NFATC1: variants seen among roughly 807,000 people sequenced by gnomAD.
NFATC1 encodes nuclear factor of activated T-cells, cytoplasmic 1.
A neutral mutation model predicts 76.0 loss-of-function variants in NFATC1; 22 were observed. That is an observed-to-expected ratio of 0.29 (90% CI 0.21 to 0.41). The LOEUF (loss-of-function observed/expected upper bound fraction) is 0.41, where lower values mean the gene tolerates loss of function less well. Among genes scored for constraint, NFATC1 ranks in the 10% least tolerant of loss-of-function variants. The probability of loss-of-function intolerance (pLI) is 1.00; values close to 1 mark genes in which losing one functional copy is unlikely to be tolerated. For synonymous variants in NFATC1, 704 were observed against 613.1 expected, an observed-to-expected ratio of 1.15 and a Z score of -2.19; for missense variants, 1,357 against 1,337.7, an observed-to-expected ratio of 1.01 and a Z score of -0.23.
At chr18:79,483,428 C>T (rs1227925614) in intron 8 of NFATC1, among the ~76,000 whole-genome samples, 10 of 124,074 alleles carry the variant, frequency 8.1e-5, no homozygotes, top group Non-Finnish European at 1.5e-4. Context: ...GTCATTCCGG[C>T]GTGACCTGGT....
At chr18:79,453,158 G>A (rs564505568) in intron 6 of NFATC1, among the ~76,000 whole-genome samples, 1 of 152,260 alleles carries the variant, frequency 6.6e-6, no homozygotes. Context: ...AGCTTTCGGT[G>A]TGTGTCCACG....
rs1001419071 is a variant in NFATC1, at chr18:79,528,733, T to TA, written c.*1157dup. 6 of 152,278 alleles carry TA rather than the reference T, an allele frequency of 3.9e-5. No individual in the cohort carries two copies. Among genetic ancestry groups the TA allele is most frequent in the Non-Finnish European group, 7.3e-5 (5 of 68,030 alleles). The allele number at this position is 152,278 out of a possible 1,614,324, so 9.4% of individuals were successfully genotyped here. A position where few individuals can be genotyped will look rare whatever the true frequency, so the allele number is the denominator to read the frequency against. ...TCTCTGCTTCATCTAAGAAAACCAA[T>TA]ACCAAAAACGCCACTTTAATGCTCA... On this transcript the variant is annotated 3_prime_UTR_variant, in exon 10 of 10. Transcript: ENST00000427363.
chr18:79,483,505 G>T (rs2089383833), intron 8 of NFATC1, among the ~76,000 whole-genome samples: 1 of 133,304 alleles, frequency 7.5e-6, no homozygotes, highest in Non-Finnish European at 1.6e-5. Context: ...GGTTCCTGGG[G>T]TGTCACTCCG....
intron 9 of NFATC1, among the ~76,000 whole-genome samples, chr18:79,514,575 A>C (rs2090333943): frequency 1.3e-5 from 2 of 150,690 alleles, no homozygotes; most frequent in Non-Finnish European, 3.0e-5. Context: ...AAAAAAAAAA[A>C]AAAAAAAAAA....
chr18:79,492,182 A>G (rs1472180998), intron 9 of NFATC1, among the ~76,000 whole-genome samples: 1 of 152,194 alleles, frequency 6.6e-6, no homozygotes, highest in African/African-American at 2.4e-5. Flanking sequence ...TGAGGAGGGC[A>G]GTTCACGCTG....
Position 79,519,927 on chromosome 18 carries a change from A to G in NFATC1, c.2783-7601A>G, listed in dbSNP as rs528290457. Among the ~76,000 whole-genome samples, 40 of 152,288 alleles carry G rather than the reference A, an allele frequency of 2.6e-4. 1 individual carries two copies. The highest frequency in any genetic ancestry group is 9.6e-4 in the African/African-American group (40 of 41,554). ...TCGCTCCTTTGCTGGAGTCGGAAGTAGGACAGTTGGTGATAAAGTCCTGGA... is the reference window on the plus strand; with the variant it reads ...TCGCTCCTTTGCTGGAGTCGGAAGTGGGACAGTTGGTGATAAAGTCCTGGA... On this transcript the variant is annotated intron_variant, in intron 9 of 9. Coordinates refer to ENST00000427363, the MANE Select transcript of NFATC1 (RefSeq NM_001278669.2).
intron 2 of NFATC1, among the ~76,000 whole-genome samples, chr18:79,427,407 TGGCTGGCCTCTG>T (rs2086388131): frequency 1.4e-5 from 1 of 71,704 alleles, no homozygotes; most frequent in African/African-American, 6.3e-5. Context: ...GGGAGCTGGA[TGGCTGGCCTCTG>T]TGCGGTGGGT....
At chr18:79,412,197 T>G (rs1478150883) in intron 2 of NFATC1, among the ~76,000 whole-genome samples, 4 of 152,250 alleles carry the variant, frequency 2.6e-5, no homozygotes, top group Non-Finnish European at 5.9e-5. Context: ...CTGGGTCCAC[T>G]TAACCAGCTT....
intron 3 of NFATC1, among the ~76,000 whole-genome samples, chr18:79,437,054 G>A (rs578224839): frequency 6.6e-6 from 1 of 152,322 alleles, no homozygotes; most frequent in African/African-American, 2.4e-5. Context: ...CTGGAAGAGC[G>A]GGGCCCTGGA....
At chr18:79,452,093 C>T (rs540152575) in intron 6 of NFATC1, 35 of 318,770 alleles carry the variant, frequency 1.1e-4, no homozygotes, top group South Asian at 8.6e-4. Flanking sequence ...AGGGAGCCCA[C>T]GGGCTGGGGA....
At chr18:79,428,085 AC>A (rs1369767172) in intron 2 of NFATC1, among the ~76,000 whole-genome samples, 2 of 106,696 alleles carry the variant, frequency 1.9e-5, no homozygotes, top group African/African-American at 7.4e-5. Flanking sequence ...GGGGGCCTGG[AC>A]AGCTGGCCTC....
Position 79,486,501 on chromosome 18 carries a change from C to T in NFATC1, c.2346C>T (p.Ser782=). ...SPAAYTKGVA[S]PGHCHLGLPQ... is the part of the protein sequence containing the mutation. ...CTGCCTACACCAAGGGCGTTGCCAG[C>T]CCGGGCCACTGTCACCTCGGACTCC... The change falls in exon 9 of 10, where the codon AGC becomes AGT. Residue 782 remains serine, a synonymous_variant. Coordinates refer to ENST00000427363, the MANE Select transcript of NFATC1 (RefSeq NM_001278669.2). 1 of 1,604,740 alleles carries T rather than the reference C, an allele frequency of 6.2e-7. No individual in the cohort carries two copies. The highest frequency in any genetic ancestry group is 8.5e-7 in the Non-Finnish European group (1 of 1,179,434).
intron 9 of NFATC1, among the ~76,000 whole-genome samples, chr18:79,502,291 T>G (rs1374915663): frequency 6.6e-6 from 1 of 152,196 alleles, no homozygotes; most frequent in East Asian, 1.9e-4. Flanking sequence ...CTGGGACATT[T>G]GCCACATGCA....
intron 8 of NFATC1, among the ~76,000 whole-genome samples, chr18:79,478,270 C>T (rs1178131851): frequency 6.6e-6 from 1 of 152,104 alleles, no homozygotes; most frequent in Admixed American, 6.5e-5. Flanking sequence ...ATTCTCAGAT[C>T]TTGTCACCTC....
chr18:79,410,705 G>C lies in NFATC1; in HGVS notation c.430G>C (p.Val144Leu). 6.2e-7 allele frequency: 1 copy of C among 1,613,016 alleles called. No individual in the cohort carries two copies. Among genetic ancestry groups the C allele is most frequent in the Non-Finnish European group, 8.5e-7 (1 of 1,179,992 alleles). Residue 144 changes from valine to leucine, a missense_variant, in exon 2 of 10, where the codon GTC (valine) becomes CTC (leucine). Around this residue, in one of 3 missense-constraint regions of NFATC1, gnomAD observed 691 missense variants for 613.1 expected, o/e 1.13. Transcript: ENST00000427363. The surrounding 1 kb of genome is among the most constrained non-coding windows in gnomAD (Gnocchi z 6.7). Reference protein sequence around the residue: ...QFFHDVEVEDVLPSSKRSPST... With the variant: ...QFFHDVEVEDLLPSSKRSPST... The stretch of plus-strand genomic sequence containing the variant: ...TTTCCACGATGTGGAGGTGGAAGAC[G>C]TCCTCCCTAGCTCCAAACGGTCCCC...
chr18:79,450,064 C>T (rs1309490655), intron 4 of NFATC1, among the ~76,000 whole-genome samples: 2 of 152,208 alleles, frequency 1.3e-5, no homozygotes, highest in Admixed American at 1.3e-4. Flanking sequence ...AGTAAACGTC[C>T]TGGCTTCGCT....
At chr18:79,520,160 G>A (rs768093213) in intron 9 of NFATC1, among the ~76,000 whole-genome samples, 2 of 146,846 alleles carry the variant, frequency 1.4e-5, no homozygotes, top group Non-Finnish European at 3.1e-5. Context: ...CCCATCAGGC[G>A]ACAGCCTTCT....
chr18:79,460,583 C>A (rs976210791), intron 6 of NFATC1, among the ~76,000 whole-genome samples: 1 of 152,240 alleles, frequency 6.6e-6, no homozygotes, highest in Non-Finnish European at 1.5e-5. Context: ...TAAAAACATG[C>A]AAATGGCCAC....
intron 8 of NFATC1, among the ~76,000 whole-genome samples, chr18:79,471,696 G>A (rs1600842723): frequency 6.6e-6 from 1 of 152,214 alleles, no homozygotes; most frequent in South Asian, 2.1e-4. Flanking sequence ...CGGTCCAGCT[G>A]AGGGTCATCC....
Sources: gnomAD v4.1 joint callset for allele counts (sites outside exome capture counted in the v4.1 genomes callset) on GRCh38, gnomAD v4.1.1 for gene constraint, gnomAD v4.1.1 regional missense constraint, Gnocchi (gnomAD v3.1) non-coding constraint, MANE v1.5 for transcripts, NCBI Gene and HGNC (gene_info 2026-07-23, HGNC 2026-07-21) for gene names.